APBB1IP: variants seen among roughly 807,000 people sequenced by gnomAD.
APBB1IP encodes amyloid beta precursor protein binding family B member 1 interacting protein, also known as amyloid beta A4 precursor protein-binding family B member 1-interacting protein.
A neutral mutation model predicts 64.9 loss-of-function variants in APBB1IP; 27 were observed. That is an observed-to-expected ratio of 0.42 (90% CI 0.31 to 0.57). The LOEUF is 0.57. APBB1IP is among the 20% of genes least tolerant of loss of function. The probability of loss-of-function intolerance (pLI) is 0.20; values close to 1 mark genes in which losing one functional copy is unlikely to be tolerated. For synonymous variants in APBB1IP, 392 were observed against 331.0 expected (o/e 1.18, Z -2.00); for missense variants, 812 against 845.5 (o/e 0.96, Z 0.49).
chr10:26,567,499 G>C lies in APBB1IP; in HGVS notation c.*11G>C, dbSNP rs777338667. 2.6e-6 allele frequency: 4 copies of C among 1,554,782 alleles called. No individual in the cohort carries two copies. In the African/African-American group the frequency reaches 5.5e-5, roughly 21 times the overall value. On this transcript the variant is annotated 3_prime_UTR_variant, in exon 15 of 15. Transcript: ENST00000376236. Reference sequence around the variant, plus strand: ...GGCAACGTGTCCTAGGGACGGGCATGATGAGTGTTCCAGAGGGAGAAGCAT... The same window carrying C: ...GGCAACGTGTCCTAGGGACGGGCATCATGAGTGTTCCAGAGGGAGAAGCAT...
In APBB1IP at chr10:26,472,934, C is replaced by CAAAAA. The variant is rs879867349; in HGVS notation, c.1-19392_1-19388dup. Reference sequence around the variant, plus strand: ...CCTGGGCGACAGGGGGAGACTTCATCAAAAACAAAAAGAAAAAGATCTTAA... The same window carrying CAAAAA: ...CCTGGGCGACAGGGGGAGACTTCATCAAAAAAAAAACAAAAAGAAAAAGATCTTAA... On this transcript the variant is annotated intron_variant, in intron 2 of 14. Transcript: ENST00000376236. 1.4e-4 allele frequency among the ~76,000 whole-genome samples: 21 copies of CAAAAA among 149,042 alleles called. 3 individuals carry two copies. The highest frequency in any genetic ancestry group is 2.4e-4 in the Non-Finnish European group (16 of 67,358).
At chr10:26,557,421 G>C (rs1186294829) in intron 11 of APBB1IP, among the ~76,000 whole-genome samples, 1 of 152,236 alleles carries the variant, frequency 6.6e-6, no homozygotes, top group Non-Finnish European at 1.5e-5. Flanking sequence ...GAGGCCGAGT[G>C]ACCTACATAG....
chr10:26,443,434 C>T (rs577000937), intron 2 of APBB1IP, among the ~76,000 whole-genome samples: 9 of 118,316 alleles, frequency 7.6e-5, no homozygotes, highest in East Asian at 2.4e-4. Context: ...GTTTCAAGAG[C>T]GAAACTCCAT....
chr10:26,484,582 G>A (rs1353114430), intron 2 of APBB1IP, among the ~76,000 whole-genome samples: 8 of 152,158 alleles, frequency 5.3e-5, no homozygotes, highest in African/African-American at 1.9e-4. Flanking sequence ...TGGTATTACA[G>A]GTGTGAGCCA....
At chr10:26,493,089 G>T (rs1044010055) in intron 3 of APBB1IP, among the ~76,000 whole-genome samples, 2 of 152,160 alleles carry the variant, frequency 1.3e-5, no homozygotes, top group Non-Finnish European at 2.9e-5. Context: ...ACTGGGGAAA[G>T]AATTCAGTGA....
At chr10:26,440,557 C>T (rs900922593) in intron 2 of APBB1IP, among the ~76,000 whole-genome samples, 65 of 152,236 alleles carry the variant, frequency 4.3e-4, no homozygotes, top group African/African-American at 1.5e-3. Flanking sequence ...TAAGAAACAG[C>T]CCAAACTTGA....
intron 6 of APBB1IP, among the ~76,000 whole-genome samples, chr10:26,507,579 C>T (rs1476509416): frequency 6.6e-6 from 1 of 152,122 alleles, no homozygotes; most frequent in African/African-American, 2.4e-5. Context: ...GATTGTAGCA[C>T]AAAATCTCAC....
chr10:26,543,859 T>C (rs540750223), intron 11 of APBB1IP, among the ~76,000 whole-genome samples: 2 of 152,138 alleles, frequency 1.3e-5, no homozygotes, highest in South Asian at 4.1e-4. Context: ...GAACAGGAAT[T>C]GGAAAGCCCT....
At chr10:26,468,297 T>C (rs1348208919) in intron 2 of APBB1IP, among the ~76,000 whole-genome samples, 1 of 152,254 alleles carries the variant, frequency 6.6e-6, no homozygotes, top group East Asian at 1.9e-4. Context: ...TTACATAGTA[T>C]AGTGCTAAGT....
chr10:26,533,940 C>T (rs1330447221), intron 9 of APBB1IP, among the ~76,000 whole-genome samples: 1 of 151,968 alleles, frequency 6.6e-6, no homozygotes. Flanking sequence ...GCGGCTCTGC[C>T]TAGCACTCTT....
intron 6 of APBB1IP, among the ~76,000 whole-genome samples, chr10:26,507,679 A>G (rs770150915): frequency 3.3e-5 from 5 of 152,240 alleles, no homozygotes; most frequent in Non-Finnish European, 7.3e-5. Context: ...CAAGATAAAA[A>G]GACAAAAGAA....
At chr10:26,535,941 A>C (rs1282816497) in intron 9 of APBB1IP, 133 bp from the exon 10 acceptor site, 1 of 860,346 alleles carries the variant, frequency 1.2e-6, no homozygotes, top group Non-Finnish European at 1.7e-6. Flanking sequence ...TAATATAAAC[A>C]TATGCATTCG....
intron 8 of APBB1IP, among the ~76,000 whole-genome samples, chr10:26,524,761 T>G (rs1226146605): frequency 6.6e-6 from 1 of 151,936 alleles, no homozygotes; most frequent in Non-Finnish European, 1.5e-5. Context: ...GATAAGGAGG[T>G]CTGCTGTCTC....
At chr10:26,493,611 T>C (rs1212980969) in intron 3 of APBB1IP, among the ~76,000 whole-genome samples, 1 of 152,228 alleles carries the variant, frequency 6.6e-6, no homozygotes, top group Non-Finnish European at 1.5e-5. Flanking sequence ...AGTTCTGATA[T>C]AATTGTGACA....
chr10:26,541,185 TTTGA>T (rs1245119497), intron 10 of APBB1IP, among the ~76,000 whole-genome samples: 1 of 152,190 alleles, frequency 6.6e-6, no homozygotes. Flanking sequence ...AATTTTATTT[TTTGA>T]TTGACAAATA....
chr10:26,535,792 C>T (rs1836615035), intron 9 of APBB1IP, among the ~76,000 whole-genome samples: 1 of 152,074 alleles, frequency 6.6e-6, no homozygotes, highest in Non-Finnish European at 1.5e-5. Context: ...TATTATTATT[C>T]CATTTTAACA....
At chr10:26,557,991 T>G (rs1485281361) in intron 11 of APBB1IP, among the ~76,000 whole-genome samples, 4 of 152,154 alleles carry the variant, frequency 2.6e-5, no homozygotes, top group African/African-American at 7.2e-5. Context: ...TCCTGCCAAC[T>G]GAAGAGCAGA....
At chr10:26,482,590 T>A (rs770244800) in intron 2 of APBB1IP, among the ~76,000 whole-genome samples, 1 of 152,212 alleles carries the variant, frequency 6.6e-6, no homozygotes, top group Non-Finnish European at 1.5e-5. Context: ...ATAAGCTTTT[T>A]AAAATTTTTT....
At chr10:26,439,865 A>G (rs1192989261) in intron 2 of APBB1IP, among the ~76,000 whole-genome samples, 2 of 152,214 alleles carry the variant, frequency 1.3e-5, no homozygotes, top group Admixed American at 1.3e-4. Flanking sequence ...AAATTTCAGA[A>G]AGGAAAACTT....
Sources: allele counts gnomAD v4.1 joint callset (sites outside exome capture counted in the v4.1 genomes callset), GRCh38; gene constraint gnomAD v4.1.1; transcripts MANE v1.5; gene names NCBI Gene and HGNC (gene_info 2026-07-23, HGNC 2026-07-21).